FOXJ3: variants seen among roughly 807,000 people sequenced by gnomAD.
FOXJ3 encodes the protein forkhead box J3, also known as forkhead box protein J3.
FOXJ3 carries 22 observed loss-of-function variants against 76.1 expected under a neutral mutation model. The ratio of observed to expected loss-of-function variants is 0.29; its 90% CI spans 0.21 to 0.41. FOXJ3 has a LOEUF of 0.41. FOXJ3 is among the 10% of genes least tolerant of loss of function. FOXJ3 has a pLI of 1.00. For missense variants in FOXJ3, 613 were observed against 762.1 expected, an observed-to-expected ratio of 0.80 and a Z score of 2.30; for synonymous variants, 269 against 261.2, an observed-to-expected ratio of 1.03 and a Z score of -0.29.
intron 2 of FOXJ3, among the ~76,000 whole-genome samples, chr1:42,305,820 C>A (rs1450759562): frequency 6.6e-6 from 1 of 152,024 alleles, no homozygotes; most frequent in Non-Finnish European, 1.5e-5. Context: ...TGACTACAGT[C>A]AGTAATAATT....
At chr1:42,220,401 AC>A (rs1647158074) in intron 5 of FOXJ3, among the ~76,000 whole-genome samples, 1 of 152,208 alleles carries the variant, frequency 6.6e-6, no homozygotes, top group African/African-American at 2.4e-5. Flanking sequence ...AAAGGGAAAA[AC>A]AAAAACAAAG....
intron 4 of FOXJ3, among the ~76,000 whole-genome samples, chr1:42,263,930 C>CTTTT (rs61375062): frequency 1.1e-4 from 8 of 71,392 alleles, no homozygotes; most frequent in African/African-American, 3.0e-4. Flanking sequence ...AGTAGGTTAA[C>CTTTT]TTTTTTTTTT....
At chr1:42,205,929 A>G (rs756588664) in intron 5 of FOXJ3, 66 bp from the exon 6 acceptor site, 421 of 875,996 alleles carry the variant, frequency 4.8e-4, no homozygotes, top group Non-Finnish European at 7.4e-4. Flanking sequence ...CACAGTTTGA[A>G]GGGATCTCAT....
chr1:42,300,302 G>A (rs532995471), intron 2 of FOXJ3, among the ~76,000 whole-genome samples: 29 of 152,192 alleles, frequency 1.9e-4, no homozygotes, highest in Non-Finnish European at 3.5e-4. Context: ...TTATAGACTC[G>A]GTGAGCTTTT....
chr1:42,248,944 C>A (rs535732142), intron 4 of FOXJ3, among the ~76,000 whole-genome samples: 1 of 152,008 alleles, frequency 6.6e-6, no homozygotes, highest in Non-Finnish European at 1.5e-5. Context: ...TGTTGTCCCC[C>A]TCCCTGTGTC....
chr1:42,229,994 T>A (rs919697517), intron 4 of FOXJ3, among the ~76,000 whole-genome samples: 8 of 152,164 alleles, frequency 5.3e-5, no homozygotes, highest in African/African-American at 1.9e-4. Context: ...AGTAAACCTT[T>A]CAATAAAATT....
rs1386780346 is a variant in FOXJ3 at position 42,265,124 on chromosome 1, G to T, written c.435C>A (p.Asp145Glu). 8 of 1,572,392 alleles carry T rather than the reference G, an allele frequency of 5.1e-6. No individual in the cohort carries two copies. Among genetic ancestry groups the T allele is most frequent in the Non-Finnish European group, 7.0e-6 (8 of 1,143,042 alleles). The change falls in exon 4 of 13, where the codon GAC becomes GAA. Residue 145 changes from aspartate (D) to glutamate (E), a missense_variant. This residue lies in a region of FOXJ3 where 526 missense variants were observed against 601.4 expected (regional missense o/e 0.87). Coordinates refer to ENST00000361346, the MANE Select transcript of FOXJ3 (RefSeq NM_014947.5). ...AGAAGATGAATCCTACCTTTCCAGG[G>T]TCATCCTTAGATCGAGGCACTTTAA... Reference protein sequence around the residue: ...CFLKVPRSKDDPGKGSYWAID... With the variant: ...CFLKVPRSKDEPGKGSYWAID...
chr1:42,327,527 C>G (rs771396293), intron 1 of FOXJ3, among the ~76,000 whole-genome samples: 1 of 152,166 alleles, frequency 6.6e-6, no homozygotes, highest in Non-Finnish European at 1.5e-5. Context: ...AACCTACTTC[C>G]ATCATATTGA....
chr1:42,272,521 T>C (rs1186006392), intron 3 of FOXJ3, among the ~76,000 whole-genome samples: 1 of 152,236 alleles, frequency 6.6e-6, no homozygotes, highest in Non-Finnish European at 1.5e-5. Flanking sequence ...TCTGGAAATA[T>C]TAAAAGTCTG....
chr1:42,191,305 G>T lies in FOXJ3; in HGVS notation c.1349C>A (p.Ser450Tyr). Residue 450 changes from serine to tyrosine, a missense_variant and splice_region_variant, in exon 9 of 13, where the codon TCT becomes TAT. This residue lies in a region of FOXJ3 where 526 missense variants were observed against 601.4 expected (regional missense o/e 0.87). Coordinates refer to ENST00000361346, the MANE Select transcript of FOXJ3 (RefSeq NM_014947.5). ...CAAACCAGGAGACAAAAACTTACCA[G>T]AATTACAGGATACCTGTTGTGGGGG... is the stretch of plus-strand genomic sequence containing the variant. ...PPPPQQVSCN[S>Y]GVSNDWYATL... 6.5e-7 allele frequency: 1 copy of T among 1,535,634 alleles called. No individual in the cohort carries two copies. Among genetic ancestry groups the T allele is most frequent in the Admixed American group, 2.0e-5 (1 of 50,382 alleles).
At chr1:42,296,790 T>A (rs1255843027) in intron 2 of FOXJ3, among the ~76,000 whole-genome samples, 2 of 152,228 alleles carry the variant, frequency 1.3e-5, no homozygotes, top group African/African-American at 4.8e-5. Context: ...GGCTGAGTGC[T>A]TTTTTGATTC....
At chr1:42,335,280 G>A (rs1656428458), upstream of FOXJ3, 1 of 151,980 alleles carries the variant, frequency 6.6e-6, no homozygotes, top group African/African-American at 2.4e-5. Flanking sequence ...ACCGCCTCCT[G>A]CGGCGTCGCT....
At chr1:42,306,755 A>C (rs1338442190) in intron 2 of FOXJ3, among the ~76,000 whole-genome samples, 1 of 152,166 alleles carries the variant, frequency 6.6e-6, no homozygotes, top group East Asian at 1.9e-4. Flanking sequence ...TCTTAACATA[A>C]ATTTTTAATA....
chr1:42,243,698 A>T (rs1469168972), intron 4 of FOXJ3, among the ~76,000 whole-genome samples: 1 of 152,204 alleles, frequency 6.6e-6, no homozygotes, highest in Non-Finnish European at 1.5e-5. Context: ...TAATAAAGGG[A>T]TCAATTCACC....
At chr1:42,313,474 AT>A (rs1307442492) in intron 1 of FOXJ3, among the ~76,000 whole-genome samples, 1 of 152,178 alleles carries the variant, frequency 6.6e-6, no homozygotes, top group Non-Finnish European at 1.5e-5. Context: ...GCCTGGAAAA[AT>A]TCCCACAGGT....
intron 5 of FOXJ3, among the ~76,000 whole-genome samples, chr1:42,207,577 T>C (rs1291667982): frequency 6.6e-6 from 1 of 152,230 alleles, no homozygotes; most frequent in African/African-American, 2.4e-5. Flanking sequence ...GCTAGCTACA[T>C]ATATATTCCC....
intron 2 of FOXJ3, among the ~76,000 whole-genome samples, chr1:42,285,105 T>C (rs977101133): frequency 1.3e-5 from 2 of 152,220 alleles, no homozygotes; most frequent in African/African-American, 4.8e-5. Flanking sequence ...TTTTATGATT[T>C]TTTTCCTTCA....
intron 2 of FOXJ3, among the ~76,000 whole-genome samples, chr1:42,305,288 C>A (rs961264009): frequency 3.9e-5 from 6 of 152,066 alleles, no homozygotes; most frequent in African/African-American, 7.2e-5. Flanking sequence ...GGATTTTGTA[C>A]ACTGTTGGTG....
chr1:42,310,435 C>T (rs1654734473), intron 2 of FOXJ3, among the ~76,000 whole-genome samples: 1 of 150,854 alleles, frequency 6.6e-6, no homozygotes, highest in South Asian at 2.1e-4. Context: ...TGAGCCACCG[C>T]ACCTGGGCTT....
Sources: allele counts gnomAD v4.1 joint callset (sites outside exome capture counted in the v4.1 genomes callset), GRCh38; gene constraint gnomAD v4.1.1; regional missense constraint gnomAD v4.1.1; transcripts MANE v1.5; gene names NCBI Gene and HGNC (gene_info 2026-07-23, HGNC 2026-07-21).